The following MDH1B variants were observed in gnomAD, a reference collection of about 807,000 sequenced individuals.
The protein encoded by MDH1B is putative malate dehydrogenase 1B.
In MDH1B, 60 loss-of-function variants were observed where a neutral mutation model predicts 61.4. The observed-to-expected ratio is 0.98, with a 90% CI of 0.79 to 1.21. The LOEUF is 1.21. Ranked by LOEUF, MDH1B falls within the 50% of genes most tolerant of loss-of-function variation. The pLI, the probability that MDH1B is intolerant of heterozygous loss-of-function variation, is 0.00. For synonymous variants in MDH1B, 236 were observed against 218.7 expected (o/e 1.08, Z -0.70); for missense variants, 587 against 632.1 (o/e 0.93, Z 0.76).
intron 1 of MDH1B, among the ~76,000 whole-genome samples, chr2:206,762,474 C>G (rs904290695): frequency 2.0e-5 from 3 of 152,146 alleles, no homozygotes; most frequent in Admixed American, 2.0e-4. Context: ...AGGAACCTTG[C>G]TTAGTTAATT....
chr2:206,764,870 C>T (rs1689340611), intron 1 of MDH1B, among the ~76,000 whole-genome samples: 1 of 152,194 alleles, frequency 6.6e-6, no homozygotes, highest in Non-Finnish European at 1.5e-5. Flanking sequence ...CACACCTTCA[C>T]AACTCAGCTC....
At chr2:206,762,191 C>T (rs1689139009) in intron 1 of MDH1B, among the ~76,000 whole-genome samples, 1 of 152,150 alleles carries the variant, frequency 6.6e-6, no homozygotes, top group Non-Finnish European at 1.5e-5. Context: ...TCTTTTTCCT[C>T]TTCCTCCAAA....
chr2:206,756,619 G>C, intron 4 of MDH1B: 1 of 361,820 alleles, frequency 2.8e-6, no homozygotes, highest in Non-Finnish European at 5.0e-6. Flanking sequence ...AGTCAGAGAG[G>C]GTGAGCTTCT....
At chr2:206,741,155 C>T (rs1287499686) in intron 9 of MDH1B, 51 bp from the exon 10 acceptor site, 1 of 1,608,152 alleles carries the variant, frequency 6.2e-7, no homozygotes, top group East Asian at 2.2e-5. Flanking sequence ...TAACCAACAA[C>T]CTAACTAGGT....
At chr2:206,752,052 G>A (rs773565861) in intron 5 of MDH1B, among the ~76,000 whole-genome samples, 8 of 152,128 alleles carry the variant, frequency 5.3e-5, no homozygotes, top group Non-Finnish European at 1.0e-4. Context: ...GCAGTGACAT[G>A]TGCTGGTTCA....
In MDH1B at chr2:206,761,023, T is replaced by C; in HGVS notation, c.23-10A>G. On this transcript the variant is annotated splice_polypyrimidine_tract_variant and intron_variant, in intron 1 of 11. Transcript: ENST00000374412. Reference sequence around the variant, plus strand: ...GGACAATCTGCTCTACCTAAAAGAGTTCAAATTAGCAATGTTTTCTTTCAT... The same window carrying C: ...GGACAATCTGCTCTACCTAAAAGAGCTCAAATTAGCAATGTTTTCTTTCAT... 7.0e-7 allele frequency: 1 copy of C among 1,421,166 alleles called. No homozygotes were observed. The highest frequency in any genetic ancestry group is 9.8e-7 in the Non-Finnish European group (1 of 1,017,264). 88.0% of individuals were successfully genotyped at this position (1,421,166 alleles called of 1,614,324 possible). A position where few individuals can be genotyped will look rare whatever the true frequency, so the allele number is the denominator to read the frequency against.
rs1688108277 is a variant in MDH1B at position 206,746,306 on chromosome 2, A to T, written c.1337T>A (p.Met446Lys). 1 of 1,613,654 alleles carries T rather than the reference A, an allele frequency of 6.2e-7. No homozygotes were observed. Among genetic ancestry groups the T allele is most frequent in the South Asian group, 1.1e-5 (1 of 90,972 alleles). Residue 446 changes from methionine (M) to lysine (K), a missense_variant, in exon 8 of 12, where the codon ATG becomes AAG. Physicochemically the swap from Met to Lys is moderately conservative, Grantham distance 95. Coordinates refer to ENST00000374412, the MANE Select transcript of MDH1B (RefSeq NM_001039845.3). ...CATTACCTGAATTAGATCACTTGTC[A>T]TTCGGGTCATTATTTGTTCACTTAT... ...VEISEQIMTRMTSDLIQEKLV... is the reference protein window; with the variant it reads ...VEISEQIMTRKTSDLIQEKLV...
At chr2:206,765,207 C>A in intron 1 of MDH1B, 43 bp downstream of exon 1, 1 of 1,596,156 alleles carries the variant, frequency 6.3e-7, no homozygotes, top group South Asian at 1.1e-5. Flanking sequence ...GAGCTGTTGT[C>A]GGCGTTTTGA....
chr2:206,757,685 G>C (rs1000762814), intron 2 of MDH1B, among the ~76,000 whole-genome samples: 1 of 152,080 alleles, frequency 6.6e-6, no homozygotes, highest in African/African-American at 2.4e-5. Flanking sequence ...CAACTCAACT[G>C]ATTTTTAAAA....
chr2:206,755,174 C>A lies in MDH1B; in HGVS notation c.745G>T (p.Glu249Ter), dbSNP rs1251686434. 1.2e-6 allele frequency: 2 copies of A among 1,614,108 alleles called. No individual in the cohort carries two copies. Among genetic ancestry groups the A allele is most frequent in the African/African-American group, 2.7e-5 (2 of 74,932 alleles). ...YGYLIEKNAH[E>*]SVRVIVGGRT... ...CCTCCCACGATGACTCTGACAGACT[C>A]ATGAGCATTTTTCTCTATCAGGTAC... is the stretch of plus-strand genomic sequence containing the variant. The change falls in exon 5 of 12, where the codon GAG becomes TAG. Residue 249 changes from glutamate to a stop codon, truncating the protein, a stop_gained. Transcript: ENST00000374412. LOFTEE classifies it high-confidence loss of function.
chr2:206,763,658 T>A (rs759936791), intron 1 of MDH1B, among the ~76,000 whole-genome samples: 1 of 152,230 alleles, frequency 6.6e-6, no homozygotes, highest in African/African-American at 2.4e-5. Context: ...CCTCACCTTA[T>A]GAAATTCTCT....
At chr2:206,756,509 AG>A in intron 4 of MDH1B, 1 of 175,294 alleles carries the variant, frequency 5.7e-6, no homozygotes, top group East Asian at 1.7e-4. Flanking sequence ...AGAAAAGCAA[AG>A]GGGAGCAAGG....
At chr2:206,757,405 T>C in intron 2 of MDH1B, 34 bp from the exon 3 acceptor site, 1 of 1,593,748 alleles carries the variant, frequency 6.3e-7, no homozygotes, top group Non-Finnish European at 8.5e-7. Flanking sequence ...AGTCATATAT[T>C]AAATCTGCCT....
At chr2:206,756,438 G>T (rs1688764038) in intron 4 of MDH1B, among the ~76,000 whole-genome samples, 1 of 151,996 alleles carries the variant, frequency 6.6e-6, no homozygotes, top group African/African-American at 2.4e-5. Flanking sequence ...AAGAGAGAGA[G>T]TATGACAACA....
intron 9 of MDH1B, chr2:206,741,374 TG>T: frequency 2.1e-6 from 1 of 478,930 alleles, no homozygotes; most frequent in Non-Finnish European, 3.9e-6. Flanking sequence ...GTATTGATCC[TG>T]GGTGTGTCTG....
intron 7 of MDH1B, 120 bp downstream of exon 7, chr2:206,748,900 A>G (rs1243402134): frequency 6.5e-6 from 5 of 769,074 alleles, no homozygotes; most frequent in African/African-American, 1.8e-5. Flanking sequence ...ATGAAATTGT[A>G]AAAGTCCAGG....
chr2:206,745,036 T>C (rs1688023696), intron 9 of MDH1B, among the ~76,000 whole-genome samples: 1 of 152,022 alleles, frequency 6.6e-6, no homozygotes, highest in South Asian at 2.1e-4. Flanking sequence ...ATATAATCAA[T>C]TTAAGATGGG....
intron 3 of MDH1B, 51 bp downstream of exon 3, chr2:206,757,186 A>G: frequency 6.4e-7 from 1 of 1,555,086 alleles, no homozygotes; most frequent in Non-Finnish European, 8.7e-7. Context: ...TGAAAAATAA[A>G]ATAATGTAAG....
At chr2:206,755,625 C>A in intron 4 of MDH1B, 120 bp from the exon 5 acceptor site, 1 of 1,225,984 alleles carries the variant, frequency 8.2e-7, no homozygotes, top group South Asian at 1.6e-5. Flanking sequence ...TAAATAAGCA[C>A]ACACATAGCT....
Sources: gnomAD v4.1 joint callset for allele counts (sites outside exome capture counted in the v4.1 genomes callset) on GRCh38, gnomAD v4.1.1 for gene constraint, MANE v1.5 for transcripts, NCBI Gene and HGNC (gene_info 2026-07-23, HGNC 2026-07-21) for gene names.